The following FNIP1 variants were observed in gnomAD, a reference collection of about 807,000 sequenced individuals.
FNIP1 encodes folliculin-interacting protein 1.
A neutral mutation model predicts 124.5 loss-of-function variants in FNIP1; 40 were observed. That is an observed-to-expected ratio of 0.32 (90% CI 0.25 to 0.42). FNIP1 has a LOEUF of 0.42. Among genes scored for constraint, FNIP1 ranks in the 10% least tolerant of loss-of-function variants. The pLI is 1.00. For missense variants in FNIP1, 1,176 were observed against 1,403.7 expected, an observed-to-expected ratio of 0.84 and a Z score of 2.59; for synonymous variants, 472 against 470.6, an observed-to-expected ratio of 1.00 and a Z score of -0.04.
intron 1 of FNIP1, among the ~76,000 whole-genome samples, chr5:131,771,999 G>A (rs6895631): frequency 0.11 from 15,998 of 151,986 alleles, 2,009 homozygotes; most frequent in African/African-American, 0.3. Flanking sequence ...GATATATTAG[G>A]GTTTGTAGCC....
At chr5:131,750,785 G>C (rs555095743) in intron 1 of FNIP1, among the ~76,000 whole-genome samples, 1 of 152,104 alleles carries the variant, frequency 6.6e-6, no homozygotes, top group Non-Finnish European at 1.5e-5. Flanking sequence ...GCTAGTTTTT[G>C]TACTTTTAGT....
intron 1 of FNIP1, among the ~76,000 whole-genome samples, chr5:131,756,909 A>C (rs945694140): frequency 1.3e-5 from 2 of 152,194 alleles, no homozygotes; most frequent in African/African-American, 4.8e-5. Context: ...GAAAGCCTTA[A>C]ATCTGTGATA....
intron 2 of FNIP1, among the ~76,000 whole-genome samples, chr5:131,732,851 T>TC (rs1311112431): frequency 6.6e-6 from 1 of 152,214 alleles, no homozygotes; most frequent in Non-Finnish European, 1.5e-5. Flanking sequence ...AGTAGTTTTT[T>TC]CCAATTCTGT....
intron 2 of FNIP1, among the ~76,000 whole-genome samples, chr5:131,735,973 C>T (rs960767905): frequency 6.6e-6 from 1 of 152,096 alleles, no homozygotes; most frequent in Admixed American, 6.6e-5. Context: ...CATTATGTTG[C>T]CTAGGCTGGT....
intron 10 of FNIP1, among the ~76,000 whole-genome samples, chr5:131,699,373 C>T (rs1480781059): frequency 1.3e-5 from 2 of 150,490 alleles, no homozygotes; most frequent in Non-Finnish European, 3.0e-5. Context: ...TTATATTTCA[C>T]AGATAACACT....
chr5:131,729,779 CTT>C (rs1561678032), intron 3 of FNIP1, among the ~76,000 whole-genome samples: 1 of 151,710 alleles, frequency 6.6e-6, no homozygotes, highest in South Asian at 2.1e-4. Flanking sequence ...GAGGTTCGCT[CTT>C]GTTACCCAGG....
intron 1 of FNIP1, among the ~76,000 whole-genome samples, chr5:131,792,914 T>G (rs1394701733): frequency 6.6e-6 from 1 of 152,232 alleles, no homozygotes; most frequent in African/African-American, 2.4e-5. Flanking sequence ...TAAAGGATAC[T>G]CAACCTGTAT....
intron 1 of FNIP1, among the ~76,000 whole-genome samples, chr5:131,781,439 G>A (rs147562888): frequency 2.0e-5 from 3 of 152,332 alleles, no homozygotes; most frequent in Non-Finnish European, 2.9e-5. Flanking sequence ...AAGCTTTAAA[G>A]GACAGGCTGA....
At chr5:131,697,117 G>T (rs62383452) in intron 11 of FNIP1, among the ~76,000 whole-genome samples, 133 of 152,134 alleles carry the variant, frequency 8.7e-4, no homozygotes, top group South Asian at 1.5e-3. Context: ...TTCACTCCAA[G>T]ATGTGATGGC....
intron 6 of FNIP1, among the ~76,000 whole-genome samples, 185 bp from the exon 7 acceptor site, chr5:131,710,846 C>A (rs1285549875): frequency 6.6e-6 from 1 of 152,016 alleles, no homozygotes; most frequent in East Asian, 1.9e-4. Context: ...TTTCTTTAGC[C>A]ATGATTTATA....
At chr5:131,668,852 A>G (rs1457126845) in intron 15 of FNIP1, among the ~76,000 whole-genome samples, 2 of 152,244 alleles carry the variant, frequency 1.3e-5, no homozygotes, top group Non-Finnish European at 2.9e-5. Flanking sequence ...ATCTATAAAA[A>G]GCAGGACAAT....
At chr5:131,715,631 T>C (rs994947116) in intron 6 of FNIP1, among the ~76,000 whole-genome samples, 1 of 152,132 alleles carries the variant, frequency 6.6e-6, no homozygotes, top group Admixed American at 6.5e-5. Flanking sequence ...AATGAAGTAA[T>C]CAAACGAGTT....
At chr5:131,683,378 C>G (rs1220351361) in intron 11 of FNIP1, among the ~76,000 whole-genome samples, 1 of 151,524 alleles carries the variant, frequency 6.6e-6, no homozygotes, top group African/African-American at 2.4e-5. Flanking sequence ...GAAACCCTGT[C>G]GCTACTAAAA....
At position 131,796,956 on chromosome 5, in the gene FNIP1, G is replaced by A. The variant is rs1326681349; in HGVS notation, c.-35C>T. 2 of 1,559,492 alleles carry A rather than the reference G, an allele frequency of 1.3e-6. No homozygotes were observed. Among genetic ancestry groups the A allele is most frequent in the East Asian group, 4.7e-5 (2 of 42,344 alleles). The stretch of plus-strand genomic sequence containing the variant: ...GGCCAGGCAGGGGTCGCTCCGCTGG[G>A]CGCTTGCTAGGCCCCTGCTCCTACA... On this transcript the variant is annotated 5_prime_UTR_variant, in exon 1 of 18. Coordinates refer to ENST00000510461, the MANE Select transcript of FNIP1 (RefSeq NM_133372.3).
At position 131,679,151 on chromosome 5, in the gene FNIP1, C is replaced by T. The variant is rs1364870852; in HGVS notation, c.1227G>A (p.Thr409=). The T allele has an allele frequency of 1.1e-5, 18 of 1,593,730 alleles. No individual in the cohort carries two copies. Among genetic ancestry groups the T allele is most frequent in the Middle Eastern group, 1.6e-4 (1 of 6,064 alleles). ...EFRTTICNLY[T]MPRIGEPVWL... ...AGACAGGTTCTCCAATTCGTGGCAT[C>T]GTGTAAAGATTACAAATTGTTGTTC... is the stretch of plus-strand genomic sequence containing the variant. The change falls in exon 12 of 18, where the codon ACG becomes ACA. Residue 409 remains threonine, a synonymous_variant. Coordinates refer to ENST00000510461, the MANE Select transcript of FNIP1 (RefSeq NM_133372.3).
intron 13 of FNIP1, among the ~76,000 whole-genome samples, chr5:131,677,140 G>A (rs1767935309): frequency 6.6e-6 from 1 of 152,182 alleles, no homozygotes; most frequent in African/African-American, 2.4e-5. Flanking sequence ...AGGAAACTGT[G>A]ATTCAAATGT....
In FNIP1 at chr5:131,774,887, A is replaced by G. The variant is rs142981817; in HGVS notation, c.92+21943T>C. 9.2e-5 allele frequency among the ~76,000 whole-genome samples: 14 copies of G among 152,354 alleles called. No homozygotes were observed. In the East Asian group the frequency reaches 2.3e-3, roughly 25 times the overall value. ...AAAGTCAGACATATGATACCCATAAATGTTTCCTCATGCTCTCTAACTGCT... is the reference window on the plus strand; with the variant it reads ...AAAGTCAGACATATGATACCCATAAGTGTTTCCTCATGCTCTCTAACTGCT... On this transcript the variant is annotated intron_variant, in intron 1 of 17. Transcript: ENST00000510461.
At chr5:131,742,016 C>T (rs28720007) in intron 2 of FNIP1, among the ~76,000 whole-genome samples, 119,274 of 152,130 alleles carry the variant, frequency 0.78, 46,995 homozygotes, top group African/African-American at 0.83. Context: ...ATGGACGCTG[C>T]TTCCAAATGA....
intron 3 of FNIP1, among the ~76,000 whole-genome samples, chr5:131,727,004 T>C (rs536526969): frequency 6.6e-6 from 1 of 152,344 alleles, no homozygotes; most frequent in Non-Finnish European, 1.5e-5. Context: ...TGCACTTTGG[T>C]CTGAGAGACT....
Sources: allele counts gnomAD v4.1 joint callset (sites outside exome capture counted in the v4.1 genomes callset), GRCh38; gene constraint gnomAD v4.1.1; transcripts MANE v1.5; gene names NCBI Gene and HGNC (gene_info 2026-07-23, HGNC 2026-07-21).